Variants in FAM174B observed in about 807,000 individuals in gnomAD.
FAM174B encodes membrane protein FAM174B.
A neutral mutation model predicts 10.9 loss-of-function variants in FAM174B; 12 were observed. The ratio of observed to expected loss-of-function variants is 1.10; its 90% CI spans 0.71 to 1.79. The LOEUF is 1.79. Among genes scored for constraint, FAM174B ranks in the 40% most tolerant of loss-of-function variants. The pLI, the probability that FAM174B is intolerant of heterozygous loss-of-function variation, is 0.00. For missense variants in FAM174B, 266 were observed against 233.3 expected, an observed-to-expected ratio of 1.14 and a Z score of -0.91; for synonymous variants, 132 against 115.8, an observed-to-expected ratio of 1.14 and a Z score of -0.90.
intron 2 of FAM174B, among the ~76,000 whole-genome samples, chr15:92,629,202 C>G (rs1389779368): frequency 6.6e-6 from 1 of 152,214 alleles, no homozygotes; most frequent in Non-Finnish European, 1.5e-5. Context: ...TCCACTTTTA[C>G]TACTAATTGG....
Position 92,619,370 on chromosome 15 carries a change from A to G in FAM174B, c.*86T>C, listed in dbSNP as rs1248023273. 6.5e-6 allele frequency: 10 copies of G among 1,542,666 alleles called. No homozygotes were observed. The highest frequency in any genetic ancestry group is 9.0e-6 in the Non-Finnish European group (10 of 1,115,678). Reference sequence around the variant, plus strand: ...GTTTTGGTTTCAACACCTCCGACGCAAGAGGGCTTCCAGGTCCAGTCCTTC... The same window carrying G: ...GTTTTGGTTTCAACACCTCCGACGCGAGAGGGCTTCCAGGTCCAGTCCTTC... On this transcript the variant is annotated 3_prime_UTR_variant, in exon 3 of 3. Coordinates refer to ENST00000327355, the MANE Select transcript of FAM174B (RefSeq NM_207446.3).
intron 1 of FAM174B, among the ~76,000 whole-genome samples, chr15:92,631,587 C>G (rs1156480058): frequency 2.1e-5 from 3 of 140,130 alleles, no homozygotes; most frequent in African/African-American, 5.4e-5. Context: ...CTCCGCCTCC[C>G]GGGTTCACAC....
At chr15:92,621,340 A>T (rs2050717980) in intron 2 of FAM174B, among the ~76,000 whole-genome samples, 1 of 152,216 alleles carries the variant, frequency 6.6e-6, no homozygotes, top group Non-Finnish European at 1.5e-5. Flanking sequence ...AGCCAGGCAC[A>T]GTGGGTCGCG....
chr15:92,630,080 T>C (rs1043324722), intron 2 of FAM174B, 134 bp downstream of exon 2: 28 of 743,780 alleles, frequency 3.8e-5, no homozygotes, highest in Middle Eastern at 3.6e-4. Context: ...AGAGCAGGTC[T>C]CTCCACGTGC....
chr15:92,635,778 G>A (rs1002352146), intron 1 of FAM174B, among the ~76,000 whole-genome samples: 14 of 151,774 alleles, frequency 9.2e-5, no homozygotes, highest in East Asian at 1.9e-4. Context: ...ATGGGTTTTC[G>A]CTATGTAGGC....
At chr15:92,630,098 C>T (rs2050780758) in intron 2 of FAM174B, 116 bp downstream of exon 2, 1 of 1,037,800 alleles carries the variant, frequency 9.6e-7, no homozygotes, top group African/African-American at 1.6e-5. Flanking sequence ...TGCAGAACAC[C>T]CCAGGACCCA....
At chr15:92,650,905 C>A (rs1275791414) in intron 1 of FAM174B, among the ~76,000 whole-genome samples, 1 of 152,222 alleles carries the variant, frequency 6.6e-6, no homozygotes, top group East Asian at 1.9e-4. Context: ...AGGTACCCAA[C>A]AAAGGGCCCT....
chr15:92,642,995 A>G lies in FAM174B; in HGVS notation c.344+12321T>C, dbSNP rs182318560. The stretch of plus-strand genomic sequence containing the variant: ...AAAGGGAAATCTATACACAGAAAGA[A>G]AATTCAGAGACACATAGAGATTAAC... On this transcript the variant is annotated intron_variant, in intron 1 of 2. Coordinates refer to ENST00000327355, the MANE Select transcript of FAM174B (RefSeq NM_207446.3). Among the ~76,000 whole-genome samples, 378 of 152,370 alleles carry G rather than the reference A, an allele frequency of 2.5e-3. 2 individuals are homozygous for G. Among genetic ancestry groups the G allele is most frequent in the African/African-American group, 8.4e-3 (350 of 41,596 alleles).
chr15:92,655,666 G>GTGGGTCGGCAC lies in FAM174B; in HGVS notation c.-18_-8dup. On this transcript the variant is annotated 5_prime_UTR_variant, in exon 1 of 3. Transcript: ENST00000327355. ...GCAGCGGCACGGCGCGCATAGTGCG[G>GTGGGTCGGCAC]TGGGTCGGCACAGGATCGGGCAGGG... is the stretch of plus-strand genomic sequence containing the variant. The GTGGGTCGGCAC allele has an allele frequency of 7.9e-7, 1 of 1,259,908 alleles. No homozygotes were observed. The highest frequency in any genetic ancestry group is 9.9e-7 in the Non-Finnish European group (1 of 1,007,706). 78.0% of individuals were successfully genotyped at this position (1,259,908 alleles called of 1,614,324 possible).
intron 1 of FAM174B, among the ~76,000 whole-genome samples, chr15:92,651,680 G>A (rs2141966064): frequency 6.6e-6 from 1 of 152,280 alleles, no homozygotes; most frequent in East Asian, 1.9e-4. Flanking sequence ...CCAGTTGTTG[G>A]ACACTTGGAT....
At chr15:92,632,576 C>T (rs534575484) in intron 1 of FAM174B, among the ~76,000 whole-genome samples, 2 of 152,300 alleles carry the variant, frequency 1.3e-5, no homozygotes, top group African/African-American at 4.8e-5. Context: ...GTGGTGCAAT[C>T]ATAGCTCGCT....
Position 92,636,907 on chromosome 15 carries a change from C to G in FAM174B, c.345-6562G>C, listed in dbSNP as rs2050859641. On this transcript the variant is annotated intron_variant, in intron 1 of 2. Coordinates refer to ENST00000327355, the MANE Select transcript of FAM174B (RefSeq NM_207446.3). ...ACACTCTGGAATGTGTCACTTTGCA[C>G]AGCTCACATTTTCATATTCCACACT... Among the ~76,000 whole-genome samples the G allele has an allele frequency of 2.6e-5, 4 of 152,236 alleles. No individual in the cohort carries two copies. The South Asian group carries it at 6.2e-4, about 24-fold the overall frequency.
chr15:92,648,031 C>A (rs370751548), intron 1 of FAM174B, among the ~76,000 whole-genome samples: 5 of 152,334 alleles, frequency 3.3e-5, no homozygotes, highest in East Asian at 3.8e-4. Context: ...TTTCAAGCAA[C>A]TGCCAATCAA....
Position 92,617,531 on chromosome 15 carries a change from A to G in FAM174B, c.*1925T>C. 2.0e-6 allele frequency: 1 copy of G among 504,736 alleles called. No homozygotes were observed. Among genetic ancestry groups the G allele is most frequent in the Non-Finnish European group, 3.5e-6 (1 of 287,986 alleles). 31.3% of individuals were successfully genotyped at this position (504,736 alleles called of 1,614,324 possible). On this transcript the variant is annotated 3_prime_UTR_variant, in exon 3 of 3. Transcript: ENST00000327355. ...TGGAAGGTCACTTTCAGCAGCCGCC[A>G]TTTCTGCCAGGACCAGTGGCAAGCA...
chr15:92,631,805 A>G (rs1229462673), intron 1 of FAM174B, among the ~76,000 whole-genome samples: 2 of 140,146 alleles, frequency 1.4e-5, no homozygotes, highest in African/African-American at 2.7e-5. Flanking sequence ...CACAAACGCA[A>G]TATTTTAAGA....
Position 92,630,897 on chromosome 15 carries a change from A to G in FAM174B, c.345-552T>C, listed in dbSNP as rs1423763231. ...ATATATTATATATTACGTATTACAT[A>G]TTACATATTATATATTATATATTAC... is the stretch of plus-strand genomic sequence containing the variant. On this transcript the variant is annotated intron_variant, in intron 1 of 2. Transcript: ENST00000327355. Among the ~76,000 whole-genome samples the G allele has an allele frequency of 6.4e-4, 28 of 43,746 alleles. 2 individuals carry two copies. The highest frequency in any genetic ancestry group is 1.8e-3 in the South Asian group (2 of 1,124). The allele number at this position is 43,746 out of a possible 152,430, so 28.7% of individuals were successfully genotyped here.
intron 1 of FAM174B, among the ~76,000 whole-genome samples, chr15:92,640,474 C>T (rs892229712): frequency 3.8e-5 from 5 of 130,056 alleles, no homozygotes; most frequent in African/African-American, 5.6e-5. Context: ...ATTGCTTGAG[C>T]CCATGAGACA....
chr15:92,641,417 T>C (rs2050890947), intron 1 of FAM174B, among the ~76,000 whole-genome samples: 2 of 152,356 alleles, frequency 1.3e-5, no homozygotes, highest in South Asian at 4.1e-4. Context: ...TACATGCCCA[T>C]TAACAGAAGA....
At position 92,655,519 on chromosome 15, in the gene FAM174B, G is replaced by T; in HGVS notation, c.141C>A (p.Pro47=). The T allele has an allele frequency of 6.7e-7, 1 of 1,494,660 alleles. No individual in the cohort carries two copies. The highest frequency in any genetic ancestry group is 8.9e-7 in the Non-Finnish European group (1 of 1,122,538). The allele number at this position is 1,494,660 out of a possible 1,614,324, so 92.6% of individuals were successfully genotyped here. ...PEPERESRPP[P]GPGPGNTTRF... ...GGGTGGTGTTCCCGGGCCCCGGGCC[G>T]GGCGGTGGCCGCGACTCGCGCTCGG... is the stretch of plus-strand genomic sequence containing the variant. The change falls in exon 1 of 3, where the codon CCC becomes CCA. Residue 47 remains proline, a synonymous_variant. Transcript: ENST00000327355.
Sources: gnomAD v4.1 joint callset for allele counts (sites outside exome capture counted in the v4.1 genomes callset) on GRCh38, gnomAD v4.1.1 for gene constraint, MANE v1.5 for transcripts, NCBI Gene and HGNC (gene_info 2026-07-23, HGNC 2026-07-21) for gene names.